Variants in CGNL1 observed in about 807,000 individuals in gnomAD.
CGNL1 encodes the protein cingulin-like protein 1.
In CGNL1, 132 loss-of-function variants were observed where a neutral mutation model predicts 141.2. That is an observed-to-expected ratio of 0.93 (90% CI 0.81 to 1.08). The LOEUF (loss-of-function observed/expected upper bound fraction) is 1.08, where lower values mean the gene tolerates loss of function less well. Among genes scored for constraint, CGNL1 ranks in the 50% least tolerant of loss-of-function variants. CGNL1 has a pLI of 0.00. For missense variants in CGNL1, 1,870 were observed against 1,588.6 expected (o/e 1.18, Z -3.01); for synonymous variants, 690 against 622.1 (o/e 1.11, Z -1.63).
chr15:57,466,372 C>T (rs936769399), intron 8 of CGNL1, among the ~76,000 whole-genome samples: 2 of 152,228 alleles, frequency 1.3e-5, no homozygotes, highest in Non-Finnish European at 2.9e-5. Context: ...TGTTCACAGC[C>T]GTTGGCTTAT....
At chr15:57,527,934 G>C (rs543925356) in intron 12 of CGNL1, among the ~76,000 whole-genome samples, 58 of 152,140 alleles carry the variant, frequency 3.8e-4, no homozygotes, top group Non-Finnish European at 7.2e-4. Flanking sequence ...AGGGGCTCTC[G>C]AGAGGTTTTA....
At position 57,544,475 on chromosome 15, in the gene CGNL1, C is replaced by T. The variant is rs779967126; in HGVS notation, c.3378C>T (p.Asn1126=). The change falls in exon 16 of 19, where the codon AAC becomes AAT. Residue 1126 remains asparagine (N), a splice_region_variant and synonymous_variant. Coordinates refer to ENST00000281282, the MANE Select transcript of CGNL1 (RefSeq NM_032866.5). ...ACAGTCTCCCTGTGTTGTTCCAGAA[C>T]AAGGACTTAAAGAGCCGGATTATCC... is the stretch of plus-strand genomic sequence containing the variant. ...ECDKISLERQ[N]KDLKSRIIHL... 7 of 1,613,990 alleles carry T rather than the reference C, an allele frequency of 4.3e-6. No homozygotes were observed. The African/African-American group carries it at 5.3e-5, about 12-fold the overall frequency.
chr15:57,470,578 A>G (rs1303892978), intron 8 of CGNL1, among the ~76,000 whole-genome samples: 21 of 152,176 alleles, frequency 1.4e-4, no homozygotes, highest in Non-Finnish European at 8.8e-5. Flanking sequence ...GCCTAGAGTC[A>G]CTTGCTGTGG....
intron 8 of CGNL1, among the ~76,000 whole-genome samples, chr15:57,494,950 C>G (rs12437888): frequency 0.13 from 19,381 of 152,206 alleles, 1,868 homozygotes; most frequent in East Asian, 0.45. Flanking sequence ...CTCATTGCTC[C>G]TGTCTTAGGG....
At chr15:57,450,896 G>C (rs1220313322) in intron 4 of CGNL1, among the ~76,000 whole-genome samples, 1 of 152,156 alleles carries the variant, frequency 6.6e-6, no homozygotes, top group Non-Finnish European at 1.5e-5. Flanking sequence ...ATTGGGTTCT[G>C]TAGATACAGA....
At chr15:57,403,839 C>T (rs2062685952) in intron 1 of CGNL1, among the ~76,000 whole-genome samples, 2 of 152,250 alleles carry the variant, frequency 1.3e-5, no homozygotes, top group East Asian at 3.9e-4. Context: ...CAAGGGCTGG[C>T]TTCTTCCCTG....
chr15:57,520,701 A>G (rs922268251), intron 10 of CGNL1, among the ~76,000 whole-genome samples: 1 of 152,162 alleles, frequency 6.6e-6, no homozygotes, highest in Non-Finnish European at 1.5e-5. Flanking sequence ...GGAGGGGATA[A>G]CAGTGCATAC....
chr15:57,384,067 T>TGGGGG (rs2062456236), intron 1 of CGNL1, among the ~76,000 whole-genome samples: 1 of 11,536 alleles, frequency 8.7e-5, no homozygotes, highest in Admixed American at 7.9e-4. Context: ...CTTTGGGGAG[T>TGGGGG]GGGGTGGGTG....
At chr15:57,503,213 A>G (rs1274820722) in intron 8 of CGNL1, among the ~76,000 whole-genome samples, 2 of 152,182 alleles carry the variant, frequency 1.3e-5, no homozygotes, top group African/African-American at 4.8e-5. Flanking sequence ...GGTCAGTAGG[A>G]GCCTTGGCAG....
intron 1 of CGNL1, among the ~76,000 whole-genome samples, chr15:57,428,681 A>G (rs549091993): frequency 1.3e-5 from 2 of 152,186 alleles, no homozygotes; most frequent in Non-Finnish European, 2.9e-5. Flanking sequence ...AGGTGAAGGG[A>G]GACAGATTTT....
chr15:57,465,257 G>A (rs906111374), intron 8 of CGNL1, among the ~76,000 whole-genome samples: 2 of 151,962 alleles, frequency 1.3e-5, no homozygotes, highest in East Asian at 1.9e-4. Flanking sequence ...AATATTTGGA[G>A]GAGAGTGAAT....
intron 1 of CGNL1, among the ~76,000 whole-genome samples, chr15:57,405,742 CTTTTCCT>C (rs1286251687): frequency 1.0e-3 from 1 of 994 alleles, no homozygotes; most frequent in Non-Finnish European, 0.017. Context: ...CCTTTTCTTT[CTTTTCCT>C]TTTTCTTTTT....
rs114425622 is a variant in CGNL1, at chr15:57,514,717, G to A, written c.2404-2063G>A. Among the ~76,000 whole-genome samples the A allele has an allele frequency of 3.9e-3, 586 of 152,198 alleles. 4 individuals carry two copies. The highest frequency in any genetic ancestry group is 0.014 in the African/African-American group (568 of 41,514). On this transcript the variant is annotated intron_variant, in intron 8 of 18. Transcript: ENST00000281282. ...ACAAATACTTGTTTCTGTGTTTTAA[G>A]AGTTTTATAGTTTTAGATCCTACAT...
chr15:57,395,061 A>C (rs2062587730), intron 1 of CGNL1, among the ~76,000 whole-genome samples: 1 of 152,268 alleles, frequency 6.6e-6, no homozygotes, highest in Non-Finnish European at 1.5e-5. Flanking sequence ...CGGTGAGCTG[A>C]GATCATGCCA....
At chr15:57,466,105 T>C (rs1479861436) in intron 8 of CGNL1, among the ~76,000 whole-genome samples, 1 of 152,246 alleles carries the variant, frequency 6.6e-6, no homozygotes, top group Non-Finnish European at 1.5e-5. Context: ...TTAAGTTCTC[T>C]TCTTATAGAG....
chr15:57,407,909 T>C (rs983287799), intron 1 of CGNL1, among the ~76,000 whole-genome samples: 2 of 151,854 alleles, frequency 1.3e-5, no homozygotes, highest in South Asian at 4.2e-4. Flanking sequence ...CCACCACGCC[T>C]GGCTAATTTT....
chr15:57,397,993 G>A (rs1214821433), intron 1 of CGNL1, among the ~76,000 whole-genome samples: 1 of 152,094 alleles, frequency 6.6e-6, no homozygotes, highest in Non-Finnish European at 1.5e-5. Flanking sequence ...ATGTTGGTCA[G>A]GCTGGTCTTG....
chr15:57,403,388 A>G (rs1233490647), intron 1 of CGNL1, among the ~76,000 whole-genome samples: 1 of 152,220 alleles, frequency 6.6e-6, no homozygotes, highest in Non-Finnish European at 1.5e-5. Context: ...CCCCAACAAC[A>G]TTAAACCTCC....
chr15:57,510,793 C>A (rs1292391137), intron 8 of CGNL1, among the ~76,000 whole-genome samples: 4 of 152,282 alleles, frequency 2.6e-5, no homozygotes, highest in Middle Eastern at 3.4e-3. Context: ...GTTGCAAGTC[C>A]TGGGCCATCT....
Sources: allele counts gnomAD v4.1 joint callset (sites outside exome capture counted in the v4.1 genomes callset), GRCh38; gene constraint gnomAD v4.1.1; transcripts MANE v1.5; gene names NCBI Gene and HGNC (gene_info 2026-07-23, HGNC 2026-07-21).